LRP1B: variants seen among roughly 807,000 people sequenced by gnomAD.
LRP1B encodes the protein low-density lipoprotein receptor-related protein 1B.
In LRP1B, 217 loss-of-function variants were observed where a neutral mutation model predicts 556.6. That is an observed-to-expected ratio of 0.39 (90% confidence interval 0.35 to 0.44). LRP1B has a LOEUF of 0.44. LRP1B is among the 20% of genes least tolerant of loss of function. The pLI is 1.00. For missense variants in LRP1B, 5,053 were observed against 5,620.8 expected (o/e 0.90, Z 3.23); for synonymous variants, 2,047 against 1,865.8 (o/e 1.10, Z -2.50).
chr2:141,751,641 C>T lies in LRP1B; in HGVS notation c.205+58638G>A, dbSNP rs1024026404. 4.6e-5 allele frequency among the ~76,000 whole-genome samples: 7 copies of T among 151,840 alleles called. No homozygotes were observed. The East Asian group carries it at 1.4e-3, about 29-fold the overall frequency. On this transcript the variant is annotated intron_variant, in intron 2 of 90. Transcript: ENST00000389484. ...CTCTGTCTTTGTCCCCACCTCACTC[C>T]AAAGCATTTTCATGGTCAATTACTC...
intron 1 of LRP1B, among the ~76,000 whole-genome samples, chr2:141,899,269 T>C (rs1415385083): frequency 1.3e-5 from 2 of 152,248 alleles, no homozygotes; most frequent in African/African-American, 2.4e-5. Flanking sequence ...CTAATGAAGA[T>C]TTAGTTCCCA....
chr2:141,938,527 T>C (rs552297816), intron 1 of LRP1B, among the ~76,000 whole-genome samples: 7 of 152,278 alleles, frequency 4.6e-5, no homozygotes, highest in Admixed American at 1.3e-4. Context: ...GAGAACAGTA[T>C]GGAGAGTCCT....
At chr2:141,637,056 A>T (rs914117866) in intron 2 of LRP1B, among the ~76,000 whole-genome samples, 3 of 152,106 alleles carry the variant, frequency 2.0e-5, no homozygotes, top group African/African-American at 7.2e-5. Context: ...TTTTCTCGAG[A>T]ATATATTCAT....
chr2:141,913,865 GCCT>G (rs1165017302), intron 1 of LRP1B, among the ~76,000 whole-genome samples: 1 of 152,022 alleles, frequency 6.6e-6, no homozygotes, highest in Non-Finnish European at 1.5e-5. Flanking sequence ...TCCTGCCTCA[GCCT>G]CCTGAGTAGC....
At chr2:140,681,925 G>A (rs1685873073) in intron 41 of LRP1B, among the ~76,000 whole-genome samples, 1 of 152,150 alleles carries the variant, frequency 6.6e-6, no homozygotes, top group African/African-American at 2.4e-5. Flanking sequence ...CATGTGCTAT[G>A]CCTAAGAAAT....
chr2:140,523,459 C>T (rs1024028268), intron 49 of LRP1B, among the ~76,000 whole-genome samples: 5 of 151,866 alleles, frequency 3.3e-5, no homozygotes, highest in Non-Finnish European at 7.4e-5. Flanking sequence ...TCATTCATTG[C>T]CCCTGAGATC....
intron 2 of LRP1B, among the ~76,000 whole-genome samples, chr2:141,648,726 T>C (rs1689675322): frequency 6.6e-6 from 1 of 152,072 alleles, no homozygotes; most frequent in African/African-American, 2.4e-5. Context: ...AGTGAACAGG[T>C]AGGTGTGAAA....
intron 1 of LRP1B, among the ~76,000 whole-genome samples, chr2:142,043,390 A>C (rs2105218637): frequency 6.6e-6 from 1 of 151,714 alleles, no homozygotes. Flanking sequence ...ACCTTTTATA[A>C]CTAAATGACA....
chr2:140,950,515 G>GA, intron 19 of LRP1B, 113 bp from the exon 20 acceptor site: 6 of 829,578 alleles, frequency 7.2e-6, no homozygotes, highest in Non-Finnish European at 9.2e-6. Context: ...ACAGAGTCTT[G>GA]CTCTGTCACC....
intron 3 of LRP1B, among the ~76,000 whole-genome samples, chr2:141,372,029 G>T (rs568108702): frequency 3.7e-4 from 56 of 152,008 alleles, no homozygotes; most frequent in African/African-American, 1.3e-3. Flanking sequence ...TTTATGTTGA[G>T]TTATGTTTCT....
At chr2:140,888,073 G>C (rs571795601) in intron 23 of LRP1B, among the ~76,000 whole-genome samples, 2 of 152,088 alleles carry the variant, frequency 1.3e-5, no homozygotes, top group Non-Finnish European at 2.9e-5. Flanking sequence ...ATGACTGTAA[G>C]AACTTGTAAA....
At position 141,392,484 on chromosome 2, in the gene LRP1B, G is replaced by A. The variant is rs78889944; in HGVS notation, c.343+87912C>T. Among the ~76,000 whole-genome samples the A allele has an allele frequency of 2.2e-3, 214 of 97,200 alleles. 1 individual carries two copies. Among genetic ancestry groups the A allele is most frequent in the South Asian group, 3.2e-3 (9 of 2,834 alleles). 63.8% of individuals were successfully genotyped at this position (97,200 alleles called of 152,430 possible). ...TTAAAAAAAAAAAAAAAAAAAAAGA[G>A]AGACTGTCACTCACTAAAACAGAAT... On this transcript the variant is annotated intron_variant, in intron 3 of 90. Coordinates refer to ENST00000389484, the MANE Select transcript of LRP1B (RefSeq NM_018557.3).
intron 17 of LRP1B, among the ~76,000 whole-genome samples, chr2:140,988,411 C>T (rs1696991652): frequency 6.6e-6 from 1 of 152,080 alleles, no homozygotes; most frequent in Non-Finnish European, 1.5e-5. Context: ...GCCCATGGAT[C>T]CTCAGCAAAT....
intron 84 of LRP1B, among the ~76,000 whole-genome samples, chr2:140,293,817 T>A (rs1683496558): frequency 6.6e-6 from 1 of 152,200 alleles, no homozygotes; most frequent in Non-Finnish European, 1.5e-5. Flanking sequence ...GACATCTTGA[T>A]CAACAACTCC....
At chr2:140,754,913 T>C (rs571271536) in intron 35 of LRP1B, among the ~76,000 whole-genome samples, 188 of 151,572 alleles carry the variant, frequency 1.2e-3, no homozygotes, top group African/African-American at 4.4e-3. Context: ...ATTTGACAAA[T>C]CTGTAGCTAG....
chr2:140,851,617 G>A (rs570208341), intron 28 of LRP1B, 35 bp downstream of exon 28: 1 of 1,588,890 alleles, frequency 6.3e-7, no homozygotes, highest in African/African-American at 1.4e-5. Flanking sequence ...ATTCAATTTT[G>A]TTTTTATTTT....
intron 3 of LRP1B, among the ~76,000 whole-genome samples, chr2:141,266,974 T>G (rs1334482689): frequency 6.6e-6 from 1 of 152,184 alleles, no homozygotes. Flanking sequence ...GAAGATAACG[T>G]AAAGCAAAAT....
intron 85 of LRP1B, 35 bp from the exon 86 acceptor site, chr2:140,270,381 G>A: frequency 7.6e-7 from 1 of 1,308,254 alleles, no homozygotes. Flanking sequence ...CAATTTCATT[G>A]TTATTGGCAA....
intron 2 of LRP1B, among the ~76,000 whole-genome samples, chr2:141,487,886 C>T (rs1683178452): frequency 6.6e-6 from 1 of 152,140 alleles, no homozygotes; most frequent in Non-Finnish European, 1.5e-5. Context: ...CTTGTCTAAA[C>T]TCGCATAAAG....
Sources: allele counts gnomAD v4.1 joint callset (sites outside exome capture counted in the v4.1 genomes callset), GRCh38; gene constraint gnomAD v4.1.1; transcripts MANE v1.5; gene names NCBI Gene and HGNC (gene_info 2026-07-23, HGNC 2026-07-21).